The following FAM13C variants were observed in gnomAD, a reference collection of about 807,000 sequenced individuals.
The protein encoded by FAM13C is family with sequence similarity 13 member C.
A neutral mutation model predicts 73.2 loss-of-function variants in FAM13C; 37 were observed. The observed-to-expected ratio is 0.51, with a 90% CI of 0.39 to 0.67. The LOEUF (loss-of-function observed/expected upper bound fraction) is 0.67. Among genes scored for constraint, FAM13C ranks in the 30% least tolerant of loss-of-function variants. The pLI, the probability that FAM13C is intolerant of heterozygous loss-of-function variation, is 0.00. For synonymous variants in FAM13C, 246 were observed against 260.9 expected (o/e 0.94, Z 0.55); for missense variants, 589 against 715.6 (o/e 0.82, Z 2.02).
intron 4 of FAM13C, among the ~76,000 whole-genome samples, chr10:59,320,976 G>A (rs977432653): frequency 1.3e-5 from 2 of 152,100 alleles, no homozygotes; most frequent in African/African-American, 2.4e-5. Context: ...TTAGGACAGG[G>A]TTTCTAAATA....
chr10:59,313,208 C>T (rs1015248488), intron 4 of FAM13C, among the ~76,000 whole-genome samples: 4 of 152,176 alleles, frequency 2.6e-5, no homozygotes, highest in African/African-American at 9.7e-5. Flanking sequence ...ATGGACTAGG[C>T]CTGGTTCTTA....
intron 3 of FAM13C, among the ~76,000 whole-genome samples, chr10:59,342,883 G>A (rs1420810109): frequency 2.0e-5 from 3 of 152,184 alleles, no homozygotes; most frequent in Admixed American, 1.3e-4. Flanking sequence ...TTGATAAGCT[G>A]TTTTCTTTGC....
chr10:59,345,714 G>A (rs894009707), intron 3 of FAM13C, among the ~76,000 whole-genome samples: 8 of 152,082 alleles, frequency 5.3e-5, no homozygotes, highest in South Asian at 4.1e-4. Context: ...CCTGTCCCCC[G>A]AATCTTCACC....
intron 12 of FAM13C, 77 bp from the exon 13 acceptor site, chr10:59,251,753 A>AT: frequency 9.2e-7 from 1 of 1,091,062 alleles, no homozygotes; most frequent in Non-Finnish European, 1.3e-6. Context: ...TTATCTGTTC[A>AT]GCCAAAAAAG....
At chr10:59,278,665 A>C (rs914652440) in intron 6 of FAM13C, among the ~76,000 whole-genome samples, 3 of 152,178 alleles carry the variant, frequency 2.0e-5, no homozygotes, top group African/African-American at 7.2e-5. Flanking sequence ...GCGGCAAAAA[A>C]TAGACCCCAA....
At chr10:59,274,218 C>CATCTG (rs10634305) in intron 6 of FAM13C, among the ~76,000 whole-genome samples, 35,666 of 151,856 alleles carry the variant, frequency 0.23, 5,713 homozygotes, top group African/African-American at 0.45. Flanking sequence ...ACCAAGAAAA[C>CATCTG]ATGGATACAT....
intron 5 of FAM13C, among the ~76,000 whole-genome samples, chr10:59,290,780 G>T (rs1281478845): frequency 6.6e-6 from 1 of 152,184 alleles, no homozygotes; most frequent in Admixed American, 6.5e-5. Flanking sequence ...GCATCCTAGC[G>T]CAATGTGTAG....
chr10:59,247,950 A>G lies in FAM13C; in HGVS notation c.1635-213T>C, dbSNP rs528484528. Among the ~76,000 whole-genome samples the G allele has an allele frequency of 1.4e-3, 218 of 152,224 alleles. 1 individual carries two copies. The highest frequency in any genetic ancestry group is 1.8e-3 in the Non-Finnish European group (123 of 67,992). ...AGTAACCTTTGAAAACTTGAATGTC[A>G]TAAGTGTTTTGCAAATATGTGGTCT... On this transcript the variant is annotated intron_variant, in intron 13 of 13. Coordinates refer to ENST00000618804, the MANE Select transcript of FAM13C (RefSeq NM_198215.4).
rs957497408 is a variant in FAM13C at position 59,315,317 on chromosome 10, G to A, written c.443+8671C>T. Among the ~76,000 whole-genome samples the A allele has an allele frequency of 2.0e-5, 3 of 152,036 alleles. No homozygotes were observed. In the East Asian group the frequency reaches 5.8e-4, roughly 29 times the overall value. On this transcript the variant is annotated intron_variant, in intron 4 of 13. Transcript: ENST00000618804. The stretch of plus-strand genomic sequence containing the variant: ...GTTTCTGTAAATAATTATATATTAA[G>A]CAAAAATAAGAACATCTTGTGATAC...
chr10:59,326,383 G>T (rs966296548), intron 3 of FAM13C, among the ~76,000 whole-genome samples: 3 of 152,096 alleles, frequency 2.0e-5, no homozygotes, highest in African/African-American at 7.2e-5. Context: ...AATTGGGGAA[G>T]ACTAAGTAAG....
At chr10:59,303,787 A>G (rs539396355) in intron 4 of FAM13C, among the ~76,000 whole-genome samples, 12 of 152,152 alleles carry the variant, frequency 7.9e-5, no homozygotes, top group Non-Finnish European at 1.5e-4. Flanking sequence ...TTTGATTTGC[A>G]TTTCTCTAAT....
chr10:59,291,859 G>A (rs937039333), intron 5 of FAM13C, among the ~76,000 whole-genome samples: 3 of 142,000 alleles, frequency 2.1e-5, no homozygotes, highest in Non-Finnish European at 4.5e-5. Flanking sequence ...TGTGATCTCG[G>A]CTCACTGCAA....
At chr10:59,280,266 C>G (rs1180650451) in intron 6 of FAM13C, among the ~76,000 whole-genome samples, 1 of 152,170 alleles carries the variant, frequency 6.6e-6, no homozygotes, top group Non-Finnish European at 1.5e-5. Flanking sequence ...GTTGGTTACC[C>G]TTTGTATGGC....
intron 3 of FAM13C, among the ~76,000 whole-genome samples, chr10:59,336,208 A>G (rs917335540): frequency 6.6e-6 from 1 of 151,938 alleles, no homozygotes; most frequent in African/African-American, 2.4e-5. Flanking sequence ...CCTAATGCAG[A>G]CTCTTCTGCA....
chr10:59,334,578 A>G (rs1001844154), intron 3 of FAM13C, among the ~76,000 whole-genome samples: 1 of 152,180 alleles, frequency 6.6e-6, no homozygotes, highest in African/African-American at 2.4e-5. Flanking sequence ...CTGTGCAGCC[A>G]TAAAAAAGGA....
chr10:59,280,800 GT>G (rs1217553040), intron 6 of FAM13C, among the ~76,000 whole-genome samples: 2 of 152,150 alleles, frequency 1.3e-5, no homozygotes, highest in East Asian at 3.9e-4. Flanking sequence ...CTCTTACTAG[GT>G]GGAACTGATC....
chr10:59,273,071 G>T (rs1843902209), intron 6 of FAM13C, among the ~76,000 whole-genome samples: 1 of 152,182 alleles, frequency 6.6e-6, no homozygotes, highest in Non-Finnish European at 1.5e-5. Flanking sequence ...ACCTGAAACT[G>T]CCGAAAGGGA....
chr10:59,296,056 G>T (rs1846881111), intron 5 of FAM13C, among the ~76,000 whole-genome samples: 1 of 152,176 alleles, frequency 6.6e-6, no homozygotes, highest in Non-Finnish European at 1.5e-5. Context: ...TAGAAAAATA[G>T]AGCTGCCTAT....
chr10:59,291,942 TCACGCCTGGCGA>T (rs1846299672), intron 5 of FAM13C, among the ~76,000 whole-genome samples: 3 of 151,762 alleles, frequency 2.0e-5, no homozygotes, highest in Admixed American at 2.0e-4. Context: ...GCGCCCACCA[TCACGCCTGGCGA>T]ATTTTTTATA....
Sources: gnomAD v4.1 joint callset for allele counts (sites outside exome capture counted in the v4.1 genomes callset) on GRCh38, gnomAD v4.1.1 for gene constraint, MANE v1.5 for transcripts, NCBI Gene and HGNC (gene_info 2026-07-23, HGNC 2026-07-21) for gene names.